The following SLC7A8 variants were observed in gnomAD, a reference collection of about 807,000 sequenced individuals.
SLC7A8 encodes solute carrier family 7 member 8.
Under a neutral mutation model 51.2 loss-of-function variants are expected in SLC7A8, and 30 were observed. The ratio of observed to expected loss-of-function variants is 0.59; its 90% CI spans 0.44 to 0.80. SLC7A8 has a LOEUF of 0.80. SLC7A8 is among the 30% of genes least tolerant of loss of function. The pLI, the probability that SLC7A8 is intolerant of heterozygous loss-of-function variation, is 0.00. For missense variants in SLC7A8, 612 were observed against 674.4 expected, an observed-to-expected ratio of 0.91 and a Z score of 1.03; for synonymous variants, 257 against 275.8, an observed-to-expected ratio of 0.93 and a Z score of 0.67.
intron 1 of SLC7A8, among the ~76,000 whole-genome samples, chr14:23,180,862 A>G (rs1282167766): frequency 6.6e-6 from 1 of 152,164 alleles, no homozygotes; most frequent in Non-Finnish European, 1.5e-5. Flanking sequence ...CGTCTCTACT[A>G]AAAATACAAA....
At chr14:23,134,381 GA>G (rs2048668183) in intron 7 of SLC7A8, among the ~76,000 whole-genome samples, 1 of 130,390 alleles carries the variant, frequency 7.7e-6, no homozygotes, top group African/African-American at 2.9e-5. Flanking sequence ...AGGCTGCAGT[GA>G]GCTGTATTTG....
intron 1 of SLC7A8, among the ~76,000 whole-genome samples, chr14:23,181,501 T>C (rs1877183171): frequency 6.6e-6 from 1 of 152,158 alleles, no homozygotes. Context: ...GCTTGGTCAC[T>C]GAAGTTCTGG....
In SLC7A8 at chr14:23,125,442, G is replaced by T. The variant is rs947979930; in HGVS notation, c.*1735C>A. 1 of 152,406 alleles carries T rather than the reference G, an allele frequency of 6.6e-6. No homozygotes were observed. The highest frequency in any genetic ancestry group is 2.4e-5 in the African/African-American group (1 of 41,432). The allele number at this position is 152,406 out of a possible 1,614,324, so 9.4% of individuals were successfully genotyped here. ...ACCTTACATTAAAAAAAATCCAAAA[G>T]AAATAGAAATACCAGCTTCAAAAAT... On this transcript the variant is annotated 3_prime_UTR_variant, in exon 11 of 11. Transcript: ENST00000316902.
chr14:23,151,876 C>A (rs1479565353), intron 3 of SLC7A8, among the ~76,000 whole-genome samples: 1 of 151,668 alleles, frequency 6.6e-6, no homozygotes, highest in African/African-American at 2.4e-5. Context: ...CCAGCCTGGC[C>A]AATATAGCAA....
chr14:23,132,598 A>C (rs904993447), intron 7 of SLC7A8, among the ~76,000 whole-genome samples: 15 of 150,310 alleles, frequency 1.0e-4, no homozygotes, highest in East Asian at 5.8e-4. Flanking sequence ...AAACAAAAAA[A>C]CCCCCACAAA....
At chr14:23,154,432 G>A in intron 3 of SLC7A8, 1 of 990,350 alleles carries the variant, frequency 1.0e-6, no homozygotes, top group Non-Finnish European at 1.2e-6. Flanking sequence ...CGGGCCTGTG[G>A]GGGCGTGGGT....
intron 1 of SLC7A8, among the ~76,000 whole-genome samples, chr14:23,177,678 T>C (rs1342052615): frequency 1.3e-5 from 2 of 152,182 alleles, no homozygotes; most frequent in Non-Finnish European, 2.9e-5. Context: ...GGAAGAACAC[T>C]GGTCCATAAA....
At chr14:23,177,439 ATCT>A (rs1204034460) in intron 1 of SLC7A8, among the ~76,000 whole-genome samples, 3 of 152,210 alleles carry the variant, frequency 2.0e-5, no homozygotes, top group Non-Finnish European at 2.9e-5. Context: ...CTGCCCATAA[ATCT>A]TCTTCGACCA....
chr14:23,135,196 T>C (rs2048677824), intron 7 of SLC7A8, among the ~76,000 whole-genome samples: 1 of 152,098 alleles, frequency 6.6e-6, no homozygotes. Flanking sequence ...CAAGTGATTC[T>C]TCTGCCTCAG....
chr14:23,172,466 C>T (rs762686011), intron 1 of SLC7A8, among the ~76,000 whole-genome samples: 27 of 152,126 alleles, frequency 1.8e-4, no homozygotes, highest in Non-Finnish European at 3.8e-4. Context: ...TTTAATGAAA[C>T]GGATGGAGCC....
chr14:23,153,275 C>A (rs541128879), intron 3 of SLC7A8, among the ~76,000 whole-genome samples: 57 of 152,272 alleles, frequency 3.7e-4, no homozygotes, highest in African/African-American at 1.3e-3. Flanking sequence ...ACCATGGCGG[C>A]CCCAGAACCT....
chr14:23,151,870 C>T lies in SLC7A8; in HGVS notation c.509-8666G>A, dbSNP rs534733725. On this transcript the variant is annotated intron_variant, in intron 3 of 10. Transcript: ENST00000316902. ...CTTGAGTTCAGGAGTTTAAGACCAG[C>T]CTGGCCAATATAGCAAAACCCTGTC... is the stretch of plus-strand genomic sequence containing the variant. 5.9e-5 allele frequency among the ~76,000 whole-genome samples: 9 copies of T among 151,948 alleles called. No individual in the cohort carries two copies. The East Asian group carries it at 1.4e-3, about 23-fold the overall frequency.
In SLC7A8 at chr14:23,165,274, A is replaced by G; in HGVS notation, c.508+11T>C. ...AGGCTGTCTTGCTACCAAGACCCAG[A>G]TGACACTTACATAAGCAGATGGCAG... On this transcript the variant is annotated intron_variant, in intron 3 of 10. Coordinates refer to ENST00000316902, the MANE Select transcript of SLC7A8 (RefSeq NM_012244.4). The surrounding 1 kb of genome is among the most constrained non-coding windows in gnomAD (Gnocchi z 4.2). 1.2e-6 allele frequency: 2 copies of G among 1,606,674 alleles called. No homozygotes were observed. The highest frequency in any genetic ancestry group is 2.2e-5 in the South Asian group (2 of 90,362).
chr14:23,179,810 A>G (rs1877085527), intron 1 of SLC7A8, among the ~76,000 whole-genome samples: 1 of 152,156 alleles, frequency 6.6e-6, no homozygotes, highest in South Asian at 2.1e-4. Flanking sequence ...ACACTGTCTC[A>G]GAAAAAAAAG....
intron 9 of SLC7A8, among the ~76,000 whole-genome samples, chr14:23,129,029 C>A (rs991813739): frequency 6.6e-6 from 1 of 152,168 alleles, no homozygotes; most frequent in Admixed American, 6.5e-5. Flanking sequence ...TCTTCTAATT[C>A]GTAGGAGAAC....
intron 3 of SLC7A8, among the ~76,000 whole-genome samples, chr14:23,144,548 A>G (rs1239048647): frequency 6.6e-6 from 1 of 152,032 alleles, no homozygotes; most frequent in Non-Finnish European, 1.5e-5. Context: ...GGTCGCTCTG[A>G]CTTCACTTGA....
chr14:23,180,983 C>G (rs963058952), intron 1 of SLC7A8, among the ~76,000 whole-genome samples: 1 of 151,906 alleles, frequency 6.6e-6, no homozygotes, highest in Admixed American at 6.6e-5. Flanking sequence ...GCCGAGATCG[C>G]GCCACTGCAC....
In SLC7A8 at chr14:23,125,341, C is replaced by T. The variant is rs187534608; in HGVS notation, c.*1836G>A. The T allele has an allele frequency of 3.8e-4, 58 of 152,224 alleles. No homozygotes were observed. The East Asian group carries it at 4.4e-3, about 12-fold the overall frequency. The allele number at this position is 152,224 out of a possible 1,614,324, so 9.4% of individuals were successfully genotyped here. On this transcript the variant is annotated 3_prime_UTR_variant, in exon 11 of 11. Coordinates refer to ENST00000316902, the MANE Select transcript of SLC7A8 (RefSeq NM_012244.4). Reference sequence around the variant, plus strand: ...ATTACATCAAAAGAAAAAAACCTCTCCACAAAACAAATCTCTAAAACCTAC... The same window carrying T: ...ATTACATCAAAAGAAAAAAACCTCTTCACAAAACAAATCTCTAAAACCTAC...
At chr14:23,154,021 G>C (rs2048869724) in intron 3 of SLC7A8, among the ~76,000 whole-genome samples, 1 of 152,176 alleles carries the variant, frequency 6.6e-6, no homozygotes, top group Non-Finnish European at 1.5e-5. Flanking sequence ...AGAGAAAAAG[G>C]GCTTGAGAGG....
Sources: allele counts gnomAD v4.1 joint callset (sites outside exome capture counted in the v4.1 genomes callset), GRCh38; gene constraint gnomAD v4.1.1; non-coding constraint Gnocchi (gnomAD v3.1); transcripts MANE v1.5; gene names NCBI Gene and HGNC (gene_info 2026-07-23, HGNC 2026-07-21).